Variants in EPC1 observed in about 807,000 individuals in gnomAD.
EPC1 encodes the protein enhancer of polycomb 1.
In EPC1, 12 loss-of-function variants were observed where a neutral mutation model predicts 98.4. That is an observed-to-expected ratio of 0.12 (90% CI 0.08 to 0.20). The LOEUF (loss-of-function observed/expected upper bound fraction) is 0.20. EPC1 is among the 10% of genes least tolerant of loss of function. EPC1 has a pLI of 1.00. For missense variants in EPC1, 729 were observed against 990.5 expected (o/e 0.74, Z 3.54); for synonymous variants, 357 against 363.9 (o/e 0.98, Z 0.21).
chr10:32,347,628 C>T (rs1340205394), upstream of EPC1, among the ~76,000 whole-genome samples: 4 of 152,082 alleles, frequency 2.6e-5, no homozygotes, highest in East Asian at 7.7e-4. Flanking sequence ...CGGCCGCCCC[C>T]ACGGGGCTTC....
At chr10:32,347,284 C>A, upstream of EPC1, 2 of 881,090 alleles carry the variant, frequency 2.3e-6, no homozygotes, top group East Asian at 5.7e-5. Flanking sequence ...CGCCAACCCC[C>A]GGCACCCGCC....
At chr10:32,361,755 G>C (rs1478581115) in intron 1 of EPC1, among the ~76,000 whole-genome samples, 1 of 152,156 alleles carries the variant, frequency 6.6e-6, no homozygotes, top group African/African-American at 2.4e-5. Flanking sequence ...TTGAACCAGA[G>C]CAACTCCATC....
intron 9 of EPC1, 83 bp from the exon 10 acceptor site, chr10:32,285,133 A>G (rs1320794966): frequency 1.8e-6 from 2 of 1,131,644 alleles, no homozygotes; most frequent in Non-Finnish European, 2.5e-6. Flanking sequence ...TTTACCCCCA[A>G]CTGCCAAAAG....
At chr10:32,311,568 A>C (rs1836232075) in intron 1 of EPC1, among the ~76,000 whole-genome samples, 1 of 152,076 alleles carries the variant, frequency 6.6e-6, no homozygotes, top group Non-Finnish European at 1.5e-5. Flanking sequence ...AGCTGAAATA[A>C]TCATTACCTT....
At chr10:32,320,972 T>A (rs1183697836) in intron 1 of EPC1, among the ~76,000 whole-genome samples, 1 of 152,206 alleles carries the variant, frequency 6.6e-6, no homozygotes, top group Non-Finnish European at 1.5e-5. Context: ...ACAATATATG[T>A]CATCAATTTT....
At chr10:32,298,171 A>G (rs983354151) in intron 2 of EPC1, among the ~76,000 whole-genome samples, 1 of 152,192 alleles carries the variant, frequency 6.6e-6, no homozygotes, top group African/African-American at 2.4e-5. Flanking sequence ...GATATTTACT[A>G]TGGGGTGGGA....
chr10:32,346,981 C>G lies in EPC1; in HGVS notation c.-66G>C. ...CCCGGCCAGCGGGATCATGGAGAAC[C>G]GGGGGTTCGGTCCCCACTCGCCAAC... On this transcript the variant is annotated 5_prime_UTR_variant, in exon 1 of 14. Coordinates refer to ENST00000319778, the MANE Select transcript of EPC1 (RefSeq NM_001272004.3). The G allele has an allele frequency of 1.9e-6, 3 of 1,585,980 alleles. No individual in the cohort carries two copies. The highest frequency in any genetic ancestry group is 2.6e-6 in the Non-Finnish European group (3 of 1,171,768).
chr10:32,368,094 C>A (rs1426095912), intron 1 of EPC1, among the ~76,000 whole-genome samples: 3 of 152,126 alleles, frequency 2.0e-5, no homozygotes, highest in African/African-American at 4.8e-5. Context: ...ACTTACCTGG[C>A]AAGAGACCCA....
At chr10:32,295,671 A>G (rs771135707) in intron 2 of EPC1, among the ~76,000 whole-genome samples, 11 of 152,208 alleles carry the variant, frequency 7.2e-5, no homozygotes, top group Admixed American at 3.9e-4. Context: ...ATGCAGGTCT[A>G]TGTTGTCTAA....
exon 1 of EPC1, chr10:32,378,493 T>A (rs746902094): frequency 6.5e-7 from 1 of 1,547,204 alleles, no homozygotes; most frequent in South Asian, 1.2e-5. Flanking sequence ...AAACTTACCA[T>A]TAGTGCAGGC....
At chr10:32,326,381 G>A (rs1026011791) in intron 1 of EPC1, among the ~76,000 whole-genome samples, 1 of 152,028 alleles carries the variant, frequency 6.6e-6, no homozygotes, top group South Asian at 2.1e-4. Context: ...TCCACCTGTC[G>A]CCAGGCTTGA....
At chr10:32,355,184 T>C (rs2133090073) in intron 1 of EPC1, among the ~76,000 whole-genome samples, 1 of 152,336 alleles carries the variant, frequency 6.6e-6, no homozygotes, top group East Asian at 1.9e-4. Flanking sequence ...ATCTGATCTT[T>C]TCCTCACTGT....
chr10:32,377,342 A>T (rs1304637844), intron 1 of EPC1: 1 of 152,248 alleles, frequency 6.6e-6, no homozygotes, highest in Non-Finnish European at 1.5e-5. Flanking sequence ...TTCAACTTTT[A>T]CAATGTTGAA....
chr10:32,372,330 C>T (rs1466311619), intron 1 of EPC1, among the ~76,000 whole-genome samples: 1 of 152,194 alleles, frequency 6.6e-6, no homozygotes, highest in Non-Finnish European at 1.5e-5. Context: ...AAATGTCCCA[C>T]AGGTGAAAGC....
intron 10 of EPC1, among the ~76,000 whole-genome samples, chr10:32,279,693 AC>A (rs1836296931): frequency 1.3e-5 from 2 of 152,108 alleles, no homozygotes; most frequent in Non-Finnish European, 2.9e-5. Flanking sequence ...CTTAAAAATC[AC>A]TTTGTTTCCA....
At chr10:32,302,584 A>T (rs1331728929) in intron 2 of EPC1, among the ~76,000 whole-genome samples, 2 of 135,826 alleles carry the variant, frequency 1.5e-5, no homozygotes, top group Non-Finnish European at 3.1e-5. Flanking sequence ...TAGGAAGCGG[A>T]GGTTGCTGTG....
At chr10:32,357,850 A>AT (rs1839322289) in intron 1 of EPC1, among the ~76,000 whole-genome samples, 1 of 147,932 alleles carries the variant, frequency 6.8e-6, no homozygotes, top group Admixed American at 6.7e-5. Context: ...CTTCTCAATA[A>AT]ATTTTTTTTT....
Position 32,376,042 on chromosome 10 carries a change from A to T in EPC1, c.3+2449T>A, listed in dbSNP as rs1020024809. Among the ~76,000 whole-genome samples, 4 of 152,160 alleles carry T rather than the reference A, an allele frequency of 2.6e-5. No individual in the cohort carries two copies. In the South Asian group the frequency reaches 8.3e-4, roughly 31 times the overall value. On this transcript the variant is annotated intron_variant, in intron 1 of 13. Transcript: ENST00000375110. ...GATTTTAAAATGGAGAATAATATAA[A>T]ATAGTGAACTGTTTTTGCCTCATAG...
chr10:32,275,972 ACTATGTTAGC>A (rs1457124110), intron 10 of EPC1, among the ~76,000 whole-genome samples: 1 of 152,062 alleles, frequency 6.6e-6, no homozygotes, highest in African/African-American at 2.4e-5. Context: ...ATTTTAGATT[ACTATGTTAGC>A]CTATTTGTTA....
Sources: allele counts gnomAD v4.1 joint callset (sites outside exome capture counted in the v4.1 genomes callset), GRCh38; gene constraint gnomAD v4.1.1; transcripts MANE v1.5; gene names NCBI Gene and HGNC (gene_info 2026-07-23, HGNC 2026-07-21).